NLGN1: variants seen among roughly 807,000 people sequenced by gnomAD.
NLGN1 encodes the protein neuroligin 1.
In NLGN1, 12 loss-of-function variants were observed where a neutral mutation model predicts 65.5. That is an observed-to-expected ratio of 0.18 (90% CI 0.12 to 0.30). The LOEUF is 0.30. Among genes scored for constraint, NLGN1 ranks in the 10% least tolerant of loss-of-function variants. The pLI, the probability that NLGN1 is intolerant of heterozygous loss-of-function variation, is 1.00. For missense variants in NLGN1, 750 were observed against 1,007.1 expected (o/e 0.74, Z 3.46); for synonymous variants, 350 against 359.5 (o/e 0.97, Z 0.30).
At chr3:173,765,183 C>T (rs993000145) in intron 3 of NLGN1, among the ~76,000 whole-genome samples, 5 of 151,398 alleles carry the variant, frequency 3.3e-5, no homozygotes, top group African/African-American at 7.3e-5. Flanking sequence ...ATTTCTGGTT[C>T]ATGAGGACTA....
At chr3:173,811,667 C>CTGATTG (rs1717980220) in intron 4 of NLGN1, among the ~76,000 whole-genome samples, 1 of 150,680 alleles carries the variant, frequency 6.6e-6, no homozygotes, top group Non-Finnish European at 1.5e-5. Flanking sequence ...CTTAAATGTT[C>CTGATTG]TGATTGTAAC....
intron 3 of NLGN1, among the ~76,000 whole-genome samples, chr3:173,669,662 A>G (rs1431159492): frequency 2.6e-5 from 4 of 152,240 alleles, no homozygotes; most frequent in African/African-American, 4.8e-5. Context: ...CAAGACTTCA[A>G]TAGGTGAATT....
At chr3:174,246,658 A>C (rs1351482495) in intron 4 of NLGN1, among the ~76,000 whole-genome samples, 2 of 152,098 alleles carry the variant, frequency 1.3e-5, no homozygotes, top group African/African-American at 4.8e-5. Context: ...GCCTCAAGTG[A>C]TCCTCCTGCT....
intron 4 of NLGN1, among the ~76,000 whole-genome samples, chr3:173,945,438 C>A (rs545057356): frequency 6.6e-6 from 1 of 152,054 alleles, no homozygotes; most frequent in African/African-American, 2.4e-5. Context: ...CTTTTCTTGT[C>A]ATTATTTGCA....
At chr3:173,474,861 G>A (rs1725922602) in intron 2 of NLGN1, among the ~76,000 whole-genome samples, 1 of 152,066 alleles carries the variant, frequency 6.6e-6, no homozygotes, top group Non-Finnish European at 1.5e-5. Flanking sequence ...AGGAGGCTGA[G>A]GCAGGAGAAT....
At chr3:174,151,903 T>C (rs981399295) in intron 4 of NLGN1, among the ~76,000 whole-genome samples, 1 of 152,142 alleles carries the variant, frequency 6.6e-6, no homozygotes, top group African/African-American at 2.4e-5. Context: ...GAGTTAAAAG[T>C]TTGCTGAGAA....
At chr3:173,574,862 G>T (rs1745259384) in intron 2 of NLGN1, among the ~76,000 whole-genome samples, 1 of 152,146 alleles carries the variant, frequency 6.6e-6, no homozygotes, top group South Asian at 2.1e-4. Flanking sequence ...CTATGCAAAT[G>T]ACACATTTGA....
intron 4 of NLGN1, among the ~76,000 whole-genome samples, chr3:174,099,306 T>C (rs1035371005): frequency 6.9e-6 from 1 of 144,200 alleles, no homozygotes; most frequent in Non-Finnish European, 1.5e-5. Context: ...TTATAATTTA[T>C]ACCTAAGACT....
chr3:174,237,046 A>C (rs1445607004), intron 4 of NLGN1, among the ~76,000 whole-genome samples: 1 of 152,158 alleles, frequency 6.6e-6, no homozygotes, highest in African/African-American at 2.4e-5. Context: ...TACACAACAC[A>C]TGGAACTTTG....
intron 4 of NLGN1, among the ~76,000 whole-genome samples, chr3:174,076,287 AT>A (rs2152541310): frequency 6.6e-6 from 1 of 152,222 alleles, no homozygotes; most frequent in African/African-American, 2.4e-5. Flanking sequence ...GAAATGTCAT[AT>A]GTTTTATATA....
At chr3:173,436,084 C>T (rs1718095447) in intron 2 of NLGN1, among the ~76,000 whole-genome samples, 1 of 152,298 alleles carries the variant, frequency 6.6e-6, no homozygotes, top group South Asian at 2.1e-4. Flanking sequence ...TAGAGCATGT[C>T]TATAACTCGC....
intron 4 of NLGN1, among the ~76,000 whole-genome samples, chr3:174,083,579 T>C (rs1373171465): frequency 6.6e-6 from 1 of 152,140 alleles, no homozygotes; most frequent in East Asian, 1.9e-4. Flanking sequence ...TTGCATGACA[T>C]CTTTAACTAT....
rs998020204 is a variant in NLGN1 at position 173,688,672 on chromosome 3, G to A, written c.493+83581G>A. On this transcript the variant is annotated intron_variant, in intron 3 of 6. Coordinates refer to ENST00000457714, the Ensembl canonical transcript of NLGN1. ...ACGTGGTCTCTTACTTCAACTGGAT[G>A]TATAAGAAAACTAATCTTGCTTTCT... Among the ~76,000 whole-genome samples the A allele has an allele frequency of 2.0e-5, 3 of 152,254 alleles. No individual in the cohort carries two copies. In the South Asian group the frequency reaches 6.2e-4, roughly 32 times the overall value.
intron 4 of NLGN1, among the ~76,000 whole-genome samples, chr3:174,244,638 A>G (rs984572886): frequency 1.3e-5 from 2 of 152,180 alleles, no homozygotes; most frequent in African/African-American, 4.8e-5. Context: ...ACTACAAACA[A>G]TTGAGGTTGG....
chr3:173,568,228 C>T (rs534070734), intron 2 of NLGN1, among the ~76,000 whole-genome samples: 17 of 140,374 alleles, frequency 1.2e-4, no homozygotes, highest in Non-Finnish European at 2.3e-4. Flanking sequence ...CCTTTCCTTT[C>T]CTTTTCCTTT....
exon 7 of NLGN1, chr3:174,282,865 C>CAAAG (rs1303945469): frequency 6.6e-6 from 1 of 151,726 alleles, no homozygotes; most frequent in African/African-American, 2.4e-5. Flanking sequence ...TAAGATAATG[C>CAAAG]AAAGAACTTT....
chr3:173,836,130 T>C (rs780350162), intron 4 of NLGN1, among the ~76,000 whole-genome samples: 1 of 152,116 alleles, frequency 6.6e-6, no homozygotes, highest in Admixed American at 6.6e-5. Flanking sequence ...GATGAATCTG[T>C]AACATAAAAC....
intron 3 of NLGN1, among the ~76,000 whole-genome samples, chr3:173,649,395 T>G (rs916444759): frequency 4.6e-5 from 7 of 152,162 alleles, no homozygotes; most frequent in Non-Finnish European, 8.8e-5. Flanking sequence ...TCTATGTAAC[T>G]ATTACATATA....
At chr3:174,003,647 C>T (rs894395649) in intron 4 of NLGN1, among the ~76,000 whole-genome samples, 2 of 152,102 alleles carry the variant, frequency 1.3e-5, no homozygotes, top group African/African-American at 2.4e-5. Flanking sequence ...ACATATCTCT[C>T]TCTGTATATT....
Sources: allele counts gnomAD v4.1 joint callset (sites outside exome capture counted in the v4.1 genomes callset), GRCh38; gene constraint gnomAD v4.1.1; transcripts MANE v1.5; gene names NCBI Gene and HGNC (gene_info 2026-07-23, HGNC 2026-07-21).